Variants in CTNNA3 observed in about 807,000 individuals in gnomAD.
The protein encoded by CTNNA3 is catenin alpha-3.
A neutral mutation model predicts 95.7 loss-of-function variants in CTNNA3; 76 were observed. The ratio of observed to expected loss-of-function variants is 0.79; its 90% CI spans 0.66 to 0.96. The LOEUF is 0.96. CTNNA3 is among the 40% of genes least tolerant of loss of function. The pLI is 0.00. For missense variants in CTNNA3, 1,191 were observed against 1,089.8 expected (o/e 1.09, Z -1.31); for synonymous variants, 431 against 374.4 (o/e 1.15, Z -1.74).
At chr10:67,349,223 G>T (rs1468583081) in intron 5 of CTNNA3, among the ~76,000 whole-genome samples, 1 of 152,136 alleles carries the variant, frequency 6.6e-6, no homozygotes, top group Non-Finnish European at 1.5e-5. Context: ...AAAGAACTGA[G>T]ATCAGGACTT....
chr10:65,953,977 G>C (rs2077676956), intron 17 of CTNNA3, among the ~76,000 whole-genome samples: 1 of 152,170 alleles, frequency 6.6e-6, no homozygotes, highest in Non-Finnish European at 1.5e-5. Flanking sequence ...TTCCACAATG[G>C]TTGAACTAGT....
At chr10:66,207,838 A>G (rs1002560753) in intron 13 of CTNNA3, among the ~76,000 whole-genome samples, 2 of 152,068 alleles carry the variant, frequency 1.3e-5, no homozygotes, top group Admixed American at 1.3e-4. Flanking sequence ...CTGCAATGCC[A>G]AAACCACTGC....
chr10:67,647,708 G>A, intron 1 of CTNNA3, among the ~76,000 whole-genome samples, 190 bp from the exon 2 acceptor site: 1 of 152,128 alleles, frequency 6.6e-6, no homozygotes, highest in East Asian at 1.9e-4. Context: ...GTTCCCTGAG[G>A]TCATGCTGCC....
intron 7 of CTNNA3, among the ~76,000 whole-genome samples, chr10:66,902,081 C>A (rs1450861523): frequency 6.6e-6 from 1 of 152,188 alleles, no homozygotes; most frequent in Non-Finnish European, 1.5e-5. Flanking sequence ...AATATACATT[C>A]TTCTCAGCAC....
intron 7 of CTNNA3, among the ~76,000 whole-genome samples, chr10:66,825,679 T>A (rs969626915): frequency 2.8e-4 from 43 of 152,170 alleles, no homozygotes; most frequent in Non-Finnish European, 3.5e-4. Context: ...CTCAGCCTCA[T>A]TTAAGATCTT....
At chr10:67,459,330 T>C (rs1435796993) in intron 5 of CTNNA3, among the ~76,000 whole-genome samples, 1 of 152,172 alleles carries the variant, frequency 6.6e-6, no homozygotes, top group Non-Finnish European at 1.5e-5. Context: ...TCACATCATG[T>C]CCGAATATCA....
Position 67,258,342 on chromosome 10 carries a change from C to T in CTNNA3, c.580-38472G>A, listed in dbSNP as rs144945820. On this transcript the variant is annotated intron_variant, in intron 5 of 17. Coordinates refer to ENST00000433211, the MANE Select transcript of CTNNA3 (RefSeq NM_013266.4). ...TAATTTTAGTAGAGATGGAGTTTCA[C>T]CATATTGGTCAGGCTGGTCTTGAAT... 3.5e-3 allele frequency among the ~76,000 whole-genome samples: 532 copies of T among 152,186 alleles called. 4 individuals carry two copies. Among genetic ancestry groups the T allele is most frequent in the African/African-American group, 0.012 (516 of 41,506 alleles).
intron 11 of CTNNA3, among the ~76,000 whole-genome samples, chr10:66,400,496 C>T (rs1374213883): frequency 6.6e-6 from 1 of 151,992 alleles, no homozygotes; most frequent in African/African-American, 2.4e-5. Flanking sequence ...TCGATATTGG[C>T]ATGTGTGAGA....
chr10:67,640,985 A>G (rs1839510051), intron 2 of CTNNA3, among the ~76,000 whole-genome samples: 1 of 152,198 alleles, frequency 6.6e-6, no homozygotes, highest in Non-Finnish European at 1.5e-5. Context: ...CAATGGCAAC[A>G]AAAGCCAAAA....
At chr10:67,030,021 C>T (rs921294128) in intron 7 of CTNNA3, among the ~76,000 whole-genome samples, 1 of 152,170 alleles carries the variant, frequency 6.6e-6, no homozygotes, top group African/African-American at 2.4e-5. Flanking sequence ...ATTTCAAACA[C>T]TTTGATAGGT....
chr10:66,077,086 G>A (rs2080579536), intron 14 of CTNNA3, among the ~76,000 whole-genome samples: 1 of 151,702 alleles, frequency 6.6e-6, no homozygotes, highest in South Asian at 2.1e-4. Flanking sequence ...ATTTTGTTCA[G>A]TGTTGTGATC....
intron 9 of CTNNA3, among the ~76,000 whole-genome samples, chr10:66,663,448 T>C (rs1030372969): frequency 7.1e-6 from 1 of 140,346 alleles, no homozygotes; most frequent in Non-Finnish European, 1.5e-5. Flanking sequence ...AAATGTCCAC[T>C]TAAAAAGGTT....
intron 2 of CTNNA3, among the ~76,000 whole-genome samples, chr10:67,641,081 G>C (rs1839513170): frequency 1.3e-5 from 2 of 152,044 alleles, no homozygotes; most frequent in African/African-American, 4.8e-5. Flanking sequence ...CTACAGAATG[G>C]GAGAAAATTT....
intron 7 of CTNNA3, among the ~76,000 whole-genome samples, chr10:67,147,902 G>A (rs1010868724): frequency 2.6e-5 from 4 of 152,096 alleles, no homozygotes; most frequent in African/African-American, 9.7e-5. Flanking sequence ...ATCTTATTAG[G>A]TAAGCATCAA....
chr10:66,986,432 G>A (rs1202107307), intron 7 of CTNNA3, among the ~76,000 whole-genome samples: 1 of 152,094 alleles, frequency 6.6e-6, no homozygotes, highest in Non-Finnish European at 1.5e-5. Flanking sequence ...AGTAGGCAGA[G>A]GTTGCAATAA....
chr10:66,665,984 A>G (rs926427555), intron 9 of CTNNA3, among the ~76,000 whole-genome samples: 1 of 152,158 alleles, frequency 6.6e-6, no homozygotes, highest in African/African-American at 2.4e-5. Context: ...AAGTTTTCCT[A>G]CTATAAATCA....
Position 66,947,409 on chromosome 10 carries a change from T to A in CTNNA3, c.1048-171885A>T, listed in dbSNP as rs150685053. Among the ~76,000 whole-genome samples the A allele has an allele frequency of 3.0e-3, 456 of 152,284 alleles. 6 individuals are homozygous for A. Among genetic ancestry groups the A allele is most frequent in the Non-Finnish European group, 9.1e-4 (62 of 68,006 alleles). ...ACCATTTCACTATATCACAAGGTAT[T>A]TTCTTTATGAGGGTCCATGGGGAAA... On this transcript the variant is annotated intron_variant, in intron 7 of 17. Coordinates refer to ENST00000433211, the MANE Select transcript of CTNNA3 (RefSeq NM_013266.4).
At chr10:67,038,756 T>A (rs1016511142) in intron 7 of CTNNA3, among the ~76,000 whole-genome samples, 1 of 152,036 alleles carries the variant, frequency 6.6e-6, no homozygotes, top group Non-Finnish European at 1.5e-5. Flanking sequence ...GAACCAGGAG[T>A]TCAATATGAG....
At chr10:67,419,541 G>A (rs1338386321) in intron 5 of CTNNA3, among the ~76,000 whole-genome samples, 2 of 152,104 alleles carry the variant, frequency 1.3e-5, no homozygotes, top group Admixed American at 6.5e-5. Context: ...ATACAGTGTT[G>A]ATTGTTTTTT....
Sources: allele counts gnomAD v4.1 joint callset (sites outside exome capture counted in the v4.1 genomes callset), GRCh38; gene constraint gnomAD v4.1.1; transcripts MANE v1.5; gene names NCBI Gene and HGNC (gene_info 2026-07-23, HGNC 2026-07-21).